Variants in SGCD observed in about 807,000 individuals in gnomAD.
The protein encoded by SGCD is delta-sarcoglycan.
SGCD carries 18 observed loss-of-function variants against 36.6 expected under a neutral mutation model. That is an observed-to-expected ratio of 0.49 (90% confidence interval 0.34 to 0.73). The LOEUF (loss-of-function observed/expected upper bound fraction) is 0.73. Among genes scored for constraint, SGCD ranks in the 30% least tolerant of loss-of-function variants. The pLI is 0.01. For missense variants in SGCD, 387 were observed against 346.7 expected (o/e 1.12, Z -0.92); for synonymous variants, 133 against 130.6 (o/e 1.02, Z -0.12).
At chr5:156,092,500 A>G (rs1761268426) in intron 1 of SGCD, among the ~76,000 whole-genome samples, 1 of 152,142 alleles carries the variant, frequency 6.6e-6, no homozygotes. Context: ...CTTTGCCAAT[A>G]TTTCCTCAAA....
intron 3 of SGCD, among the ~76,000 whole-genome samples, chr5:156,304,830 G>A (rs181506083): frequency 6.6e-5 from 10 of 152,262 alleles, no homozygotes; most frequent in South Asian, 6.2e-4. Context: ...GAGATGAGGC[G>A]CTTGTTGGGA....
At chr5:156,524,182 TAC>T (rs1491266328) in intron 4 of SGCD, among the ~76,000 whole-genome samples, 1 of 32,026 alleles carries the variant, frequency 3.1e-5, no homozygotes, top group African/African-American at 7.1e-5. Flanking sequence ...ATATAGGTCT[TAC>T]TATATATATA....
At chr5:156,221,043 T>C (rs1350478972) in intron 3 of SGCD, among the ~76,000 whole-genome samples, 2 of 152,130 alleles carry the variant, frequency 1.3e-5, no homozygotes, top group East Asian at 1.9e-4. Flanking sequence ...TTACCTGTCA[T>C]TGCAAATGTT....
At chr5:156,273,106 A>C (rs1362651539) in intron 3 of SGCD, among the ~76,000 whole-genome samples, 1 of 152,198 alleles carries the variant, frequency 6.6e-6, no homozygotes, top group Non-Finnish European at 1.5e-5. Flanking sequence ...TGGATGTATT[A>C]GAGGTAGGGT....
chr5:156,291,216 T>C (rs1766748849), intron 3 of SGCD, among the ~76,000 whole-genome samples: 1 of 152,090 alleles, frequency 6.6e-6, no homozygotes, highest in African/African-American at 2.4e-5. Flanking sequence ...AGCAACACCG[T>C]ATTCTATATT....
At chr5:155,762,911 A>G in the SGCD span, among the ~76,000 whole-genome samples, 11 of 152,194 alleles carry the variant, frequency 7.2e-5, no homozygotes, top group African/African-American at 2.2e-4. Flanking sequence ...GTCAGCCAGC[A>G]TATAGTCAGG....
At chr5:156,334,550 A>G (rs1264486513) in intron 2 of SGCD, among the ~76,000 whole-genome samples, 1 of 143,472 alleles carries the variant, frequency 7.0e-6, no homozygotes, top group East Asian at 2.0e-4. Flanking sequence ...AACCTTTCCC[A>G]TGCTTTTAAA....
At chr5:156,084,399 T>C (rs376275590) in intron 1 of SGCD, among the ~76,000 whole-genome samples, 22 of 152,334 alleles carry the variant, frequency 1.4e-4, no homozygotes, top group African/African-American at 4.8e-4. Context: ...TGCATGTTCA[T>C]TGTTGGTATA....
chr5:156,592,750 G>A (rs929967689), intron 5 of SGCD, among the ~76,000 whole-genome samples: 12 of 152,072 alleles, frequency 7.9e-5, no homozygotes, highest in East Asian at 1.9e-4. Context: ...GATGACTTCC[G>A]GGTTCCATCA....
At chr5:156,079,426 A>G (rs57517476) in intron 1 of SGCD, among the ~76,000 whole-genome samples, 2,815 of 152,260 alleles carry the variant, frequency 0.018, 81 homozygotes, top group African/African-American at 0.064. Context: ...CAGTCCACCA[A>G]AGCTTAACTC....
chr5:156,137,307 CCA>C (rs1279190804), intron 3 of SGCD, among the ~76,000 whole-genome samples: 1 of 152,168 alleles, frequency 6.6e-6, no homozygotes, highest in Non-Finnish European at 1.5e-5. Context: ...GCCCATGAAG[CCA>C]CAGTCTTGTG....
chr5:155,765,280 AAGAAAGAAAG>A, the SGCD span, among the ~76,000 whole-genome samples: 3 of 151,434 alleles, frequency 2.0e-5, no homozygotes, highest in African/African-American at 7.3e-5. Context: ...ACCCTGTCGA[AAGAAAGAAAG>A]AGAAAGAAAG....
intron 7 of SGCD, among the ~76,000 whole-genome samples, chr5:156,667,407 T>C (rs59915775): frequency 0.027 from 4,036 of 152,248 alleles, 180 homozygotes; most frequent in African/African-American, 0.092. Flanking sequence ...TCTGTAATTG[T>C]CTTCCTCTCT....
chr5:156,089,400 A>G (rs766643427), intron 1 of SGCD, among the ~76,000 whole-genome samples: 1 of 152,168 alleles, frequency 6.6e-6, no homozygotes, highest in Admixed American at 6.5e-5. Context: ...TTTTTATTAA[A>G]TCTGTAATGC....
chr5:156,759,094 T>C, intron 8 of SGCD, 123 bp from the exon 9 acceptor site: 1 of 712,214 alleles, frequency 1.4e-6, no homozygotes, highest in Non-Finnish European at 2.4e-6. Context: ...CCAAAAATAA[T>C]CAACACATAG....
chr5:156,751,277 A>G (rs770946440), intron 7 of SGCD, among the ~76,000 whole-genome samples: 5 of 152,014 alleles, frequency 3.3e-5, no homozygotes, highest in South Asian at 2.1e-4. Context: ...GATAATCTCC[A>G]TCTCTTTTGA....
At chr5:156,061,883 G>A (rs1203405619) in intron 1 of SGCD, among the ~76,000 whole-genome samples, 1 of 138,764 alleles carries the variant, frequency 7.2e-6, no homozygotes, top group Non-Finnish European at 1.6e-5. Context: ...AGATTGGCAG[G>A]TAAAAGATAT....
chr5:155,981,313 C>G (rs1390029369), intron 1 of SGCD, among the ~76,000 whole-genome samples: 2 of 152,182 alleles, frequency 1.3e-5, no homozygotes, highest in Non-Finnish European at 2.9e-5. Context: ...GATGTGTCTG[C>G]TGGTGGACCT....
At chr5:155,928,922 G>T (rs185061814) in intron 1 of SGCD, among the ~76,000 whole-genome samples, 1 of 152,000 alleles carries the variant, frequency 6.6e-6, no homozygotes, top group Non-Finnish European at 1.5e-5. Context: ...TTGAGACTAC[G>T]TTAGGGGGTG....
Sources: gnomAD v4.1 joint callset for allele counts (sites outside exome capture counted in the v4.1 genomes callset) on GRCh38, gnomAD v4.1.1 for gene constraint, MANE v1.5 for transcripts, NCBI Gene and HGNC (gene_info 2026-07-23, HGNC 2026-07-21) for gene names.